The following VRTN variants were observed in gnomAD, a reference collection of about 807,000 sequenced individuals.
The protein encoded by VRTN is vertebrae development associated.
In VRTN, 5 loss-of-function variants were observed where a neutral mutation model predicts 18.2. The ratio of observed to expected loss-of-function variants is 0.27; its 90% CI spans 0.14 to 0.58. The LOEUF (loss-of-function observed/expected upper bound fraction) is 0.58, where lower values mean the gene tolerates loss of function less well. VRTN is among the 20% of genes least tolerant of loss of function. VRTN has a pLI of 0.91. For missense variants in VRTN, 741 were observed against 939.4 expected (o/e 0.79, Z 2.76); for synonymous variants, 381 against 393.7 (o/e 0.97, Z 0.38).
intron 1 of VRTN, among the ~76,000 whole-genome samples, chr14:74,327,921 AT>A (rs1315657056): frequency 2.0e-5 from 3 of 151,924 alleles, no homozygotes; most frequent in African/African-American, 7.3e-5. Context: ...GGGTTTCACA[AT>A]GTTGGCCGGG....
intron 1 of VRTN, among the ~76,000 whole-genome samples, chr14:74,329,584 T>TC (rs1252589298): frequency 6.8e-6 from 1 of 146,982 alleles, no homozygotes; most frequent in East Asian, 2.0e-4. Context: ...GTGGAGGCAT[T>TC]TTTTTTTTTT....
intron 1 of VRTN, among the ~76,000 whole-genome samples, chr14:74,351,677 G>A (rs886134078): frequency 1.3e-5 from 2 of 151,090 alleles, no homozygotes; most frequent in African/African-American, 4.9e-5. Context: ...ATGGGGTTAT[G>A]TTATGTTGTC....
chr14:74,308,617 C>A (rs1202876434), intron 1 of VRTN, among the ~76,000 whole-genome samples: 1 of 150,618 alleles, frequency 6.6e-6, no homozygotes, highest in Admixed American at 6.6e-5. Flanking sequence ...CGGGTTCAAG[C>A]GATTTTCCTG....
At position 74,303,843 on chromosome 14, in the gene VRTN, A is replaced by ATTTTTT. The variant is rs67822776; in HGVS notation, c.-164+687_-164+692dup. 7.8e-3 allele frequency among the ~76,000 whole-genome samples: 688 copies of ATTTTTT among 88,418 alleles called. 41 individuals are homozygous for ATTTTTT. Among genetic ancestry groups the ATTTTTT allele is most frequent in the African/African-American group, 0.033 (635 of 19,294 alleles). The allele number at this position is 88,418 out of a possible 152,430, so 58.0% of individuals were successfully genotyped here. A position where few individuals can be genotyped will look rare whatever the true frequency, so the allele number is the denominator to read the frequency against. ...TAGGTCAATCAGTTGACAATTACAG[A>ATTTTTT]TTTTTTTTTTTTTTTTTTTTTTTTT... On this transcript the variant is annotated intron_variant, in intron 1 of 2. Transcript: ENST00000557177.
intron 1 of VRTN, among the ~76,000 whole-genome samples, chr14:74,326,997 G>A (rs2085492308): frequency 6.6e-6 from 1 of 152,118 alleles, no homozygotes; most frequent in African/African-American, 2.4e-5. Flanking sequence ...GAAGCTCCTT[G>A]CCTGTCACTT....
chr14:74,312,463 T>G (rs1490760501), intron 1 of VRTN, among the ~76,000 whole-genome samples: 1 of 152,150 alleles, frequency 6.6e-6, no homozygotes, highest in African/African-American at 2.4e-5. Flanking sequence ...ATCTCTCTTT[T>G]TTTTCAAGAG....
intron 1 of VRTN, among the ~76,000 whole-genome samples, chr14:74,315,157 A>G (rs183644222): frequency 1.9e-4 from 29 of 152,334 alleles, no homozygotes; most frequent in South Asian, 1.0e-3. Flanking sequence ...CCAAAGTGCC[A>G]TACTTTGGGG....
At chr14:74,326,381 C>T (rs1053676165) in intron 1 of VRTN, among the ~76,000 whole-genome samples, 1 of 152,046 alleles carries the variant, frequency 6.6e-6, no homozygotes, top group Non-Finnish European at 1.5e-5. Context: ...GGGTTTGGAA[C>T]GCCAATTGGG....
intron 2 of VRTN, among the ~76,000 whole-genome samples, chr14:74,340,174 A>G (rs1320320308): frequency 1.0e-4 from 15 of 145,170 alleles, no homozygotes; most frequent in African/African-American, 2.9e-4. Flanking sequence ...GTGCAAGGGC[A>G]CGATCTCAGC....
intron 1 of VRTN, among the ~76,000 whole-genome samples, chr14:74,329,768 A>T (rs932199241): frequency 7.9e-5 from 12 of 151,516 alleles, no homozygotes; most frequent in African/African-American, 2.9e-4. Flanking sequence ...TAATAGAGAC[A>T]GTTTCACCAT....
rs1301475830 is a variant in VRTN at position 74,306,176 on chromosome 14, T to A, written c.-164+3000T>A. Reference sequence around the variant, plus strand: ...TATATATATATATATATATATATTTTTTTTTTTTTTTTGAGACAGAGTCTT... The same window carrying A: ...TATATATATATATATATATATATTTATTTTTTTTTTTTGAGACAGAGTCTT... On this transcript the variant is annotated intron_variant, in intron 1 of 2. Transcript: ENST00000557177. 322 of 125,680 alleles carry A rather than the reference T, an allele frequency of 2.6e-3. 2 individuals are homozygous for A. Among genetic ancestry groups the A allele is most frequent in the Admixed American group, 0.012 (147 of 12,758 alleles). The allele number at this position is 125,680 out of a possible 1,614,324, so 7.8% of individuals were successfully genotyped here. A position where few individuals can be genotyped will look rare whatever the true frequency, so the allele number is the denominator to read the frequency against.
At chr14:74,310,025 C>T (rs754653945) in intron 1 of VRTN, among the ~76,000 whole-genome samples, 3 of 152,078 alleles carry the variant, frequency 2.0e-5, no homozygotes, top group Non-Finnish European at 2.9e-5. Context: ...CTAGAAGCAA[C>T]CAGAATGCTT....
chr14:74,307,949 C>T lies in VRTN; in HGVS notation c.-164+4773C>T, dbSNP rs185471672. On this transcript the variant is annotated intron_variant, in intron 1 of 2. Coordinates refer to the VRTN transcript ENST00000557177. ...TTCACCATATTGGCCAGGCTGGTCT[C>T]GAACTCCTGATCTTGTGATCTACCT... Among the ~76,000 whole-genome samples, 783 of 152,134 alleles carry T rather than the reference C, an allele frequency of 5.1e-3. 8 individuals are homozygous for T. Among genetic ancestry groups the T allele is most frequent in the Middle Eastern group, 0.014 (4 of 294 alleles).
intron 1 of VRTN, among the ~76,000 whole-genome samples, chr14:74,314,047 C>T (rs1386514670): frequency 1.3e-5 from 2 of 152,148 alleles, no homozygotes; most frequent in Non-Finnish European, 1.5e-5. Flanking sequence ...AATAAATCTC[C>T]TCTTTATCAT....
upstream of VRTN, among the ~76,000 whole-genome samples, chr14:74,344,748 TG>T: frequency 4.7e-5 from 2 of 42,258 alleles, no homozygotes; most frequent in African/African-American, 1.2e-4. Flanking sequence ...AAAAAAAAAA[TG>T]AAAAAAAGAA....
chr14:74,325,029 T>C (rs1595166599), intron 1 of VRTN, among the ~76,000 whole-genome samples: 1 of 149,316 alleles, frequency 6.7e-6, no homozygotes, highest in Non-Finnish European at 1.5e-5. Context: ...CAGAAACCAG[T>C]AGGGGGGAGT....
intron 2 of VRTN, among the ~76,000 whole-genome samples, chr14:74,341,006 T>G (rs1381144435): frequency 1.3e-5 from 2 of 152,164 alleles, no homozygotes; most frequent in Non-Finnish European, 2.9e-5. Flanking sequence ...CCTCCCAGAG[T>G]GCTGGGATTA....
chr14:74,303,078 A>T, exon 1 of VRTN: 1 of 668,630 alleles, frequency 1.5e-6, no homozygotes, highest in Non-Finnish European at 2.3e-6. Flanking sequence ...TAAAAGTACC[A>T]GAGAGTGGAC....
chr14:74,308,260 G>T (rs1051091787), intron 1 of VRTN, among the ~76,000 whole-genome samples: 1 of 151,822 alleles, frequency 6.6e-6, no homozygotes, highest in African/African-American at 2.4e-5. Flanking sequence ...TACAAAAAAA[G>T]AAAAAAATTG....
Sources: gnomAD v4.1 joint callset for allele counts (sites outside exome capture counted in the v4.1 genomes callset) on GRCh38, gnomAD v4.1.1 for gene constraint, MANE v1.5 for transcripts, NCBI Gene and HGNC (gene_info 2026-07-23, HGNC 2026-07-21) for gene names.